CORO2B: variants seen among roughly 807,000 people sequenced by gnomAD.
CORO2B encodes coronin-2B.
Under a neutral mutation model 58.8 loss-of-function variants are expected in CORO2B, and 26 were observed. That is an observed-to-expected ratio of 0.44 (90% CI 0.32 to 0.61). The LOEUF (loss-of-function observed/expected upper bound fraction) is 0.61. CORO2B is among the 20% of genes least tolerant of loss of function. CORO2B has a pLI of 0.04. For synonymous variants in CORO2B, 242 were observed against 253.8 expected, an observed-to-expected ratio of 0.95 and a Z score of 0.44; for missense variants, 460 against 645.1, an observed-to-expected ratio of 0.71 and a Z score of 3.11.
intron 1 of CORO2B, among the ~76,000 whole-genome samples, chr15:68,610,223 G>A (rs1008745751): frequency 9.2e-5 from 14 of 152,070 alleles, no homozygotes; most frequent in African/African-American, 1.5e-4. Flanking sequence ...CAATGGATGC[G>A]CCCAGAAGAG....
chr15:68,579,375 C>G, intron 1 of CORO2B, 98 bp downstream of exon 1: 1 of 1,128,456 alleles, frequency 8.9e-7, no homozygotes, highest in South Asian at 3.9e-5. Flanking sequence ...GGGGAGGGGG[C>G]GCCGGTGCCG....
chr15:68,660,913 A>C (rs115460685), intron 2 of CORO2B, among the ~76,000 whole-genome samples: 1 of 151,096 alleles, frequency 6.6e-6, no homozygotes, highest in African/African-American at 2.4e-5. Flanking sequence ...CTCTCTATAG[A>C]GGTTCTCTTT....
intron 11 of CORO2B, among the ~76,000 whole-genome samples, chr15:68,721,287 C>T (rs761556544): frequency 1.4e-4 from 22 of 152,106 alleles, no homozygotes; most frequent in Non-Finnish European, 3.2e-4. Flanking sequence ...ATAAAATATG[C>T]TTGTATGCCA....
chr15:68,692,856 A>G (rs1339838358), intron 2 of CORO2B, among the ~76,000 whole-genome samples: 1 of 151,266 alleles, frequency 6.6e-6, no homozygotes, highest in Admixed American at 6.6e-5. Flanking sequence ...CTGGTCTCAG[A>G]CTCCTGACCT....
intron 1 of CORO2B, chr15:68,641,665 C>G (rs1183301750): frequency 2.4e-6 from 2 of 841,504 alleles, no homozygotes; most frequent in Non-Finnish European, 2.9e-6. Context: ...ATATGACAGG[C>G]AGCTTGGCAC....
intron 1 of CORO2B, among the ~76,000 whole-genome samples, chr15:68,604,780 A>AT (rs1900065984): frequency 6.6e-6 from 1 of 152,110 alleles, no homozygotes; most frequent in African/African-American, 2.4e-5. Flanking sequence ...TAGATTGTGC[A>AT]TTTTTTACTT....
chr15:68,598,214 G>A (rs773983178), intron 1 of CORO2B, among the ~76,000 whole-genome samples: 9 of 152,200 alleles, frequency 5.9e-5, no homozygotes, highest in Non-Finnish European at 1.2e-4. Context: ...AGAAGAGGGC[G>A]GGCAGTCTGG....
chr15:68,711,243 T>C (rs1463702), intron 4 of CORO2B, among the ~76,000 whole-genome samples: 135,283 of 152,112 alleles, frequency 0.89, 61,180 homozygotes, highest in East Asian at 1. Context: ...GCCCCAGGCA[T>C]ATCCTCAAAA....
chr15:68,558,053 G>T, the CORO2B span, among the ~76,000 whole-genome samples: 2 of 152,162 alleles, frequency 1.3e-5, no homozygotes, highest in African/African-American at 4.8e-5. Flanking sequence ...CCAATGGCAG[G>T]CAGGGCAGCC....
chr15:68,557,095 G>A, the CORO2B span, among the ~76,000 whole-genome samples: 11 of 152,182 alleles, frequency 7.2e-5, no homozygotes, highest in Non-Finnish European at 1.5e-4. Flanking sequence ...ATGTCCCCTC[G>A]GGTAAGAAAA....
chr15:68,654,233 T>C (rs1470340909), intron 2 of CORO2B, among the ~76,000 whole-genome samples: 1 of 152,230 alleles, frequency 6.6e-6, no homozygotes, highest in Non-Finnish European at 1.5e-5. Context: ...CGCTCTCTTA[T>C]TTTATTACAA....
At chr15:68,719,384 A>T in intron 10 of CORO2B, 29 bp from the exon 11 acceptor site, 1 of 1,611,658 alleles carries the variant, frequency 6.2e-7, no homozygotes, top group Non-Finnish European at 8.5e-7. Context: ...TGGGATCGTC[A>T]GTGAGAGCGT....
At chr15:68,680,677 T>C (rs1340522783) in intron 2 of CORO2B, among the ~76,000 whole-genome samples, 1 of 152,214 alleles carries the variant, frequency 6.6e-6, no homozygotes, top group Non-Finnish European at 1.5e-5. Context: ...GCATGGAGCT[T>C]ACATTCTAAT....
chr15:68,706,515 A>G (rs1892789528), intron 3 of CORO2B, among the ~76,000 whole-genome samples: 1 of 152,196 alleles, frequency 6.6e-6, no homozygotes, highest in African/African-American at 2.4e-5. Flanking sequence ...TTTGGCTTCA[A>G]AGATCTTTCT....
At chr15:68,700,148 T>C (rs1892606180) in intron 3 of CORO2B, among the ~76,000 whole-genome samples, 1 of 152,062 alleles carries the variant, frequency 6.6e-6, no homozygotes, top group African/African-American at 2.4e-5. Flanking sequence ...CCTCCACCCA[T>C]TCCAGCTGGA....
chr15:68,683,982 T>G (rs186211628), intron 2 of CORO2B, among the ~76,000 whole-genome samples: 34 of 149,202 alleles, frequency 2.3e-4, no homozygotes, highest in Admixed American at 2.1e-3. Flanking sequence ...AAGGTCTAGA[T>G]AGTAGGGACC....
chr15:68,625,889 G>A (rs889968328), intron 1 of CORO2B, among the ~76,000 whole-genome samples: 2 of 152,080 alleles, frequency 1.3e-5, no homozygotes, highest in African/African-American at 2.4e-5. Context: ...ACAGGCATGA[G>A]CCACCACACC....
intron 1 of CORO2B, among the ~76,000 whole-genome samples, chr15:68,595,630 T>G (rs1239666687): frequency 1.3e-5 from 2 of 152,114 alleles, no homozygotes; most frequent in Non-Finnish European, 2.9e-5. Flanking sequence ...ACTTCATGAG[T>G]GGTAAAGTTA....
chr15:68,711,373 G>A (rs1417438050), intron 4 of CORO2B, among the ~76,000 whole-genome samples, 169 bp from the exon 5 acceptor site: 1 of 152,146 alleles, frequency 6.6e-6, no homozygotes, highest in East Asian at 1.9e-4. Flanking sequence ...TGTGTGCCAG[G>A]GATGTATCAG....
Sources: allele counts gnomAD v4.1 joint callset (sites outside exome capture counted in the v4.1 genomes callset), GRCh38; gene constraint gnomAD v4.1.1; transcripts MANE v1.5; gene names NCBI Gene and HGNC (gene_info 2026-07-23, HGNC 2026-07-21).